MSRA: variants seen among roughly 807,000 people sequenced by gnomAD.
MSRA encodes mitochondrial peptide methionine sulfoxide reductase.
A neutral mutation model predicts 31.3 loss-of-function variants in MSRA; 54 were observed. The ratio of observed to expected loss-of-function variants is 1.73; its 90% CI spans 1.39 to 2.17. The LOEUF (loss-of-function observed/expected upper bound fraction) is 2.17. Among genes scored for constraint, MSRA ranks in the 30% most tolerant of loss-of-function variants. MSRA has a pLI of 0.00. For synonymous variants in MSRA, 169 were observed against 116.5 expected (o/e 1.45, Z -2.90); for missense variants, 507 against 300.9 (o/e 1.69, Z -5.07).
rs560940864 is a variant in MSRA at position 10,391,648 on chromosome 8, C to G, written c.544-36500C>G. Reference sequence around the variant, plus strand: ...GTTCCCTGGGCCACACACTGGCCATCTGACCTGAGGCTGAGCGTGGGCTAG... The same window carrying G: ...GTTCCCTGGGCCACACACTGGCCATGTGACCTGAGGCTGAGCGTGGGCTAG... On this transcript the variant is annotated intron_variant, in intron 5 of 5. Coordinates refer to ENST00000317173, the MANE Select transcript of MSRA (RefSeq NM_012331.5). 1.3e-3 allele frequency among the ~76,000 whole-genome samples: 197 copies of G among 152,354 alleles called. 1 individual carries two copies. Among genetic ancestry groups the G allele is most frequent in the Non-Finnish European group, 1.5e-3 (103 of 68,044 alleles).
chr8:10,286,493 C>G (rs954794729), intron 3 of MSRA, among the ~76,000 whole-genome samples: 5 of 152,244 alleles, frequency 3.3e-5, no homozygotes, highest in Admixed American at 6.5e-5. Flanking sequence ...TGAGGCTTCC[C>G]CAGCCATGTG....
chr8:10,223,265 A>G (rs2129068704), intron 2 of MSRA, among the ~76,000 whole-genome samples: 1 of 152,302 alleles, frequency 6.6e-6, no homozygotes, highest in African/African-American at 2.4e-5. Flanking sequence ...TGGATCTCAT[A>G]CAAAATGGGT....
intron 1 of MSRA, among the ~76,000 whole-genome samples, chr8:10,103,200 T>C (rs557140066): frequency 1.3e-5 from 2 of 152,304 alleles, no homozygotes; most frequent in Non-Finnish European, 2.9e-5. Flanking sequence ...ATCAGACTTT[T>C]GCAACTTATT....
In MSRA at chr8:10,299,046, A is replaced by G. The variant is rs563070404; in HGVS notation, c.332-2488A>G. Among the ~76,000 whole-genome samples, 28 of 152,316 alleles carry G rather than the reference A, an allele frequency of 1.8e-4. No homozygotes were observed. In the East Asian group the frequency reaches 5.4e-3, roughly 29 times the overall value. ...AGGGCACCATTTCATTGTATCCTCA[A>G]CAGCACTAAGATGCTTCTAAGCAAT... On this transcript the variant is annotated intron_variant, in intron 3 of 5. Transcript: ENST00000317173.
At chr8:10,348,375 T>TC (rs1428450698) in intron 5 of MSRA, among the ~76,000 whole-genome samples, 3 of 125,678 alleles carry the variant, frequency 2.4e-5, no homozygotes, top group Non-Finnish European at 3.5e-5. Context: ...TTTTTTTTTT[T>TC]TTTTTTTGGA....
At chr8:10,108,291 T>A (rs768239825) in intron 1 of MSRA, among the ~76,000 whole-genome samples, 9 of 152,208 alleles carry the variant, frequency 5.9e-5, no homozygotes, top group African/African-American at 9.7e-5. Context: ...CTTTCATGAT[T>A]TCCCTGGCTG....
At chr8:10,167,760 T>C (rs1805265255) in intron 1 of MSRA, among the ~76,000 whole-genome samples, 1 of 152,132 alleles carries the variant, frequency 6.6e-6, no homozygotes, top group African/African-American at 2.4e-5. Context: ...GTTGGGTCCA[T>C]GCATGAATGC....
Position 10,104,894 on chromosome 8 carries a change from A to T in MSRA, c.142+50236A>T, listed in dbSNP as rs570622331. ...TTTTTGGTTTCCAGTACCCATTTATATTCCTGTGCTAGAGTATCAATGTTC... is the reference window on the plus strand; with the variant it reads ...TTTTTGGTTTCCAGTACCCATTTATTTTCCTGTGCTAGAGTATCAATGTTC... On this transcript the variant is annotated intron_variant, in intron 1 of 5. Coordinates refer to ENST00000317173, the MANE Select transcript of MSRA (RefSeq NM_012331.5). Among the ~76,000 whole-genome samples the T allele has an allele frequency of 1.1e-4, 17 of 152,292 alleles. No homozygotes were observed. In the South Asian group the frequency reaches 3.5e-3, roughly 32 times the overall value.
At chr8:10,214,407 G>A (rs982783533) in intron 2 of MSRA, among the ~76,000 whole-genome samples, 2 of 152,096 alleles carry the variant, frequency 1.3e-5, no homozygotes, top group African/African-American at 2.4e-5. Context: ...AATCAGCCCC[G>A]GTTATTTGTC....
intron 1 of MSRA, among the ~76,000 whole-genome samples, chr8:10,204,486 C>A (rs1177669143): frequency 6.6e-6 from 1 of 152,136 alleles, no homozygotes; most frequent in Non-Finnish European, 1.5e-5. Context: ...ATCTAGATCA[C>A]AAATACTTAT....
intron 1 of MSRA, among the ~76,000 whole-genome samples, chr8:10,175,174 C>T (rs549651318): frequency 1.3e-5 from 2 of 152,274 alleles, no homozygotes; most frequent in East Asian, 1.9e-4. Flanking sequence ...GCACCTGGCA[C>T]TCATGAGATG....
chr8:10,072,514 T>C (rs1447276719), intron 1 of MSRA, among the ~76,000 whole-genome samples: 4 of 152,210 alleles, frequency 2.6e-5, no homozygotes. Context: ...GATGGTTATA[T>C]CGCAGGCCTT....
chr8:10,096,862 G>T (rs1368183207), intron 1 of MSRA, among the ~76,000 whole-genome samples: 1 of 152,168 alleles, frequency 6.6e-6, no homozygotes, highest in Non-Finnish European at 1.5e-5. Context: ...TTTAAAGACA[G>T]TTTGACTTGT....
intron 2 of MSRA, among the ~76,000 whole-genome samples, chr8:10,211,339 T>G (rs549519436): frequency 4.6e-5 from 7 of 152,300 alleles, no homozygotes; most frequent in African/African-American, 1.7e-4. Context: ...GTTTTTCTCC[T>G]GGTCTCCTTT....
At position 10,245,220 on chromosome 8, in the gene MSRA, T is replaced by C; in HGVS notation, c.328T>C (p.Ser110Pro). The C allele has an allele frequency of 6.2e-7, 1 of 1,613,126 alleles. No individual in the cohort carries two copies. The highest frequency in any genetic ancestry group is 2.2e-5 in the East Asian group (1 of 44,834). The change falls in exon 3 of 6, where the codon TCA (serine) becomes CCA (proline). Residue 110 changes from serine to proline, a missense_variant. Ser to Pro is a moderately conservative substitution (Grantham distance 74). Coordinates refer to ENST00000317173, the MANE Select transcript of MSRA (RefSeq NM_012331.5). ...TSNPTYKEVC[S>P]EKTGHAEVVR... Reference sequence around the variant, plus strand: ...AAATCCTACTTATAAAGAAGTCTGCTCAGGTAGGAAGAATTTGCTTTATTG... The same window carrying C: ...AAATCCTACTTATAAAGAAGTCTGCCCAGGTAGGAAGAATTTGCTTTATTG...
At chr8:10,199,958 C>A (rs923108909) in intron 1 of MSRA, among the ~76,000 whole-genome samples, 4 of 152,204 alleles carry the variant, frequency 2.6e-5, no homozygotes, top group African/African-American at 9.6e-5. Context: ...TAGGTACCAG[C>A]TTATGCCTCA....
intron 1 of MSRA, among the ~76,000 whole-genome samples, chr8:10,188,745 C>T (rs904039121): frequency 2.0e-5 from 3 of 152,220 alleles, no homozygotes; most frequent in Non-Finnish European, 4.4e-5. Flanking sequence ...ATTTGTAGAA[C>T]TTATGCCATT....
chr8:10,073,598 A>G (rs1236175827), intron 1 of MSRA, among the ~76,000 whole-genome samples: 1 of 151,570 alleles, frequency 6.6e-6, no homozygotes, highest in Non-Finnish European at 1.5e-5. Flanking sequence ...TTGATATTCT[A>G]CCATGGTTGC....
chr8:10,334,165 G>GGTGT (rs1170369259), intron 5 of MSRA, among the ~76,000 whole-genome samples: 8 of 143,454 alleles, frequency 5.6e-5, no homozygotes, highest in African/African-American at 1.6e-4. Flanking sequence ...AACATATAGG[G>GGTGT]GTGTGTGTGT....
Sources: gnomAD v4.1 joint callset for allele counts (sites outside exome capture counted in the v4.1 genomes callset) on GRCh38, gnomAD v4.1.1 for gene constraint, MANE v1.5 for transcripts, NCBI Gene and HGNC (gene_info 2026-07-23, HGNC 2026-07-21) for gene names.